SORBS2: variants seen among roughly 807,000 people sequenced by gnomAD.
SORBS2 encodes the protein sorbin and SH3 domain containing 2, also known as sorbin and SH3 domain-containing protein 2.
SORBS2 carries 46 observed loss-of-function variants against 97.7 expected under a neutral mutation model. The ratio of observed to expected loss-of-function variants is 0.47; its 90% confidence interval spans 0.37 to 0.60. The LOEUF (loss-of-function observed/expected upper bound fraction) is 0.60, where lower values mean the gene tolerates loss of function less well. Among genes scored for constraint, SORBS2 ranks in the 20% least tolerant of loss-of-function variants. The pLI, the probability that SORBS2 is intolerant of heterozygous loss-of-function variation, is 0.00. For missense variants in SORBS2, 1,316 were observed against 1,282.3 expected, an observed-to-expected ratio of 1.03 and a Z score of -0.40; for synonymous variants, 476 against 473.4, an observed-to-expected ratio of 1.01 and a Z score of -0.07.
intron 1 of SORBS2, among the ~76,000 whole-genome samples, chr4:185,909,667 A>T (rs1223302790): frequency 6.6e-6 from 1 of 152,232 alleles, no homozygotes; most frequent in Non-Finnish European, 1.5e-5. Flanking sequence ...GGCTTCTGTG[A>T]AGACATTGTT....
chr4:185,927,322 AGGTTT>A (rs1246671903), intron 1 of SORBS2, among the ~76,000 whole-genome samples: 1 of 151,758 alleles, frequency 6.6e-6, no homozygotes, highest in East Asian at 1.9e-4. Flanking sequence ...CAGAACATGT[AGGTTT>A]GGTACATAAG....
rs10012552 is a variant in SORBS2 at position 185,752,897 on chromosome 4, C to G, written c.-198+22330G>C. The stretch of plus-strand genomic sequence containing the variant: ...AGGTACTTAATGGATGTTTAGCCGG[C>G]AAGGAAATATGGCATGCCTATTATT... On this transcript the variant is annotated intron_variant, in intron 2 of 20. Coordinates refer to the SORBS2 transcript ENST00000284776. Among the ~76,000 whole-genome samples the G allele has an allele frequency of 7.1e-3, 1,076 of 152,264 alleles. 10 individuals are homozygous for G. The highest frequency in any genetic ancestry group is 0.023 in the African/African-American group (976 of 41,546).
At chr4:185,678,947 G>C in intron 2 of SORBS2, 125 bp from the exon 6 acceptor site, 1 of 489,120 alleles carries the variant, frequency 2.0e-6, no homozygotes, top group East Asian at 3.6e-5. Context: ...TAAAATCTGG[G>C]TATGTCAAAC....
chr4:185,866,765 G>C (rs72707649), intron 1 of SORBS2, among the ~76,000 whole-genome samples: 69 of 152,214 alleles, frequency 4.5e-4, no homozygotes, highest in Non-Finnish European at 7.8e-4. Flanking sequence ...CTGCCACCTT[G>C]CAATTTATTT....
intron 1 of SORBS2, among the ~76,000 whole-genome samples, chr4:185,923,909 T>C (rs551356503): frequency 6.6e-6 from 1 of 152,322 alleles, no homozygotes; most frequent in East Asian, 1.9e-4. Context: ...ATCAGTTAAT[T>C]TTCAAGACAA....
intron 1 of SORBS2, among the ~76,000 whole-genome samples, chr4:185,867,430 G>T (rs1288828355): frequency 6.6e-6 from 1 of 152,192 alleles, no homozygotes; most frequent in Non-Finnish European, 1.5e-5. Context: ...ATGAAAACAG[G>T]CACGAGTAGA....
At chr4:185,848,233 A>G (rs1006448850) in intron 1 of SORBS2, among the ~76,000 whole-genome samples, 1 of 152,184 alleles carries the variant, frequency 6.6e-6, no homozygotes, top group Non-Finnish European at 1.5e-5. Context: ...CCCCATGATG[A>G]TTCTGGGCTT....
chr4:185,601,424 C>G lies in SORBS2; in HGVS notation c.2797-7489G>C, dbSNP rs28622504. ...CCATCTTTTCTCCTTCCTGCTGGTTCGTGTGAGAAGGGAACTACTCGAGCT... is the reference window on the plus strand; with the variant it reads ...CCATCTTTTCTCCTTCCTGCTGGTTGGTGTGAGAAGGGAACTACTCGAGCT... On this transcript the variant is annotated intron_variant, in intron 12 of 14. Coordinates refer to ENST00000418609, the Ensembl canonical transcript of SORBS2. Among the ~76,000 whole-genome samples, 1,283 of 152,212 alleles carry G rather than the reference C, an allele frequency of 8.4e-3. 21 individuals are homozygous for G. The highest frequency in any genetic ancestry group is 0.029 in the African/African-American group (1,212 of 41,506).
intron 1 of SORBS2, among the ~76,000 whole-genome samples, chr4:185,819,087 A>G (rs1048706092): frequency 6.6e-6 from 1 of 152,198 alleles, no homozygotes; most frequent in East Asian, 1.9e-4. Context: ...AACACATGAG[A>G]AAGTCTTATC....
chr4:185,881,766 T>C (rs2099237001), intron 1 of SORBS2, among the ~76,000 whole-genome samples: 1 of 152,144 alleles, frequency 6.6e-6, no homozygotes, highest in Non-Finnish European at 1.5e-5. Flanking sequence ...TTACAGAATT[T>C]AAGGTGTTAT....
At chr4:185,758,399 C>T (rs1296541046) in intron 2 of SORBS2, among the ~76,000 whole-genome samples, 1 of 152,196 alleles carries the variant, frequency 6.6e-6, no homozygotes, top group Non-Finnish European at 1.5e-5. Flanking sequence ...TTCCTCCTAT[C>T]TCCCTGGGCA....
intron 5 of SORBS2, among the ~76,000 whole-genome samples, chr4:185,630,230 G>A (rs1372869211): frequency 1.3e-5 from 2 of 151,724 alleles, no homozygotes; most frequent in Admixed American, 1.3e-4. Flanking sequence ...ATTATTATAA[G>A]GGCCATTTAA....
chr4:185,808,783 T>G (rs200907846), intron 1 of SORBS2, among the ~76,000 whole-genome samples: 2 of 152,200 alleles, frequency 1.3e-5, no homozygotes, highest in East Asian at 3.8e-4. Context: ...AAAAACAACT[T>G]CATAAGTGTC....
intron 1 of SORBS2, among the ~76,000 whole-genome samples, chr4:185,846,441 T>G (rs1356427279): frequency 2.6e-5 from 4 of 152,210 alleles, no homozygotes; most frequent in Non-Finnish European, 5.9e-5. Flanking sequence ...TTTGAAGAGA[T>G]GAAAATTTTC....
At chr4:185,803,585 C>T (rs2099140618) in intron 1 of SORBS2, among the ~76,000 whole-genome samples, 1 of 152,118 alleles carries the variant, frequency 6.6e-6, no homozygotes, top group Non-Finnish European at 1.5e-5. Context: ...GATGGTAATT[C>T]TGCTCTTCTG....
chr4:185,880,170 C>T (rs927821557), intron 1 of SORBS2, among the ~76,000 whole-genome samples: 1 of 152,154 alleles, frequency 6.6e-6, no homozygotes, highest in Non-Finnish European at 1.5e-5. Context: ...GCCTGACTGC[C>T]GCCTGTGTCT....
At chr4:185,889,092 T>G (rs1246959740) in intron 1 of SORBS2, among the ~76,000 whole-genome samples, 1 of 152,202 alleles carries the variant, frequency 6.6e-6, no homozygotes, top group East Asian at 1.9e-4. Flanking sequence ...ATCATCCCTT[T>G]TCTGTTTTAC....
intron 2 of SORBS2, among the ~76,000 whole-genome samples, chr4:185,683,831 C>A (rs532294571): frequency 6.6e-6 from 1 of 152,008 alleles, no homozygotes; most frequent in African/African-American, 2.4e-5. Flanking sequence ...GGCTGTAAAG[C>A]GAAGAACACC....
chr4:185,627,098 T>A, intron 5 of SORBS2, 79 bp from the exon 18 acceptor site: 2 of 1,265,108 alleles, frequency 1.6e-6, no homozygotes, highest in Non-Finnish European at 2.3e-6. Flanking sequence ...TGGAACGTGC[T>A]AGTGACAATG....
Sources: gnomAD v4.1 joint callset for allele counts (sites outside exome capture counted in the v4.1 genomes callset) on GRCh38, gnomAD v4.1.1 for gene constraint, MANE v1.5 for transcripts, NCBI Gene and HGNC (gene_info 2026-07-23, HGNC 2026-07-21) for gene names.